Variants in NOTCH1 observed in about 807,000 individuals in gnomAD.
NOTCH1 encodes neurogenic locus notch homolog protein 1.
Under a neutral mutation model 254.8 loss-of-function variants are expected in NOTCH1, and 37 were observed. The observed-to-expected ratio is 0.15, with a 90% CI of 0.11 to 0.19. The LOEUF is 0.19. Among genes scored for constraint, NOTCH1 ranks in the 10% least tolerant of loss-of-function variants. The probability of loss-of-function intolerance (pLI) is 1.00; values close to 1 mark genes in which losing one functional copy is unlikely to be tolerated. For synonymous variants in NOTCH1, 1,731 were observed against 1,618.1 expected (o/e 1.07, Z -1.68); for missense variants, 2,972 against 3,708.6 (o/e 0.80, Z 5.16).
chr9:136,522,219 T>C (rs924436573), intron 4 of NOTCH1, among the ~76,000 whole-genome samples: 62 of 152,174 alleles, frequency 4.1e-4, no homozygotes, highest in Non-Finnish European at 5.7e-4. Context: ...CCTTGTGATC[T>C]GCCCACCTCG....
intron 2 of NOTCH1, among the ~76,000 whole-genome samples, chr9:136,528,246 G>T (rs1843499999): frequency 6.9e-6 from 1 of 145,462 alleles, no homozygotes. Context: ...GGGGTGTGGG[G>T]TCAGCTGGAC....
chr9:136,517,194 A>C, intron 9 of NOTCH1, 78 bp downstream of exon 9: 1 of 902,240 alleles, frequency 1.1e-6, no homozygotes, highest in Admixed American at 2.1e-5. Context: ...GGGGCAGGGG[A>C]CACAACCCAC....
chr9:136,504,978 G>A lies in NOTCH1; in HGVS notation c.4713C>T (p.Ala1571=), dbSNP rs377357743. 3.0e-5 allele frequency: 48 copies of A among 1,589,576 alleles called. No individual in the cohort carries two copies. The highest frequency in any genetic ancestry group is 1.7e-4 in the Middle Eastern group (1 of 6,034). Residue 1571 remains alanine (A), a synonymous_variant, in exon 26 of 34, where the codon GCC becomes GCT. Transcript: ENST00000651671. ...CAEHVPERLA[A]GTLVVVVLMP... ...TCAGCACCACCACCACCAGCGTGCC[G>A]GCCGCCAGCCTCTCGGGTACATGCT... is the stretch of plus-strand genomic sequence containing the variant.
chr9:136,507,860 G>A, intron 21 of NOTCH1, 95 bp downstream of exon 21: 1 of 1,297,712 alleles, frequency 7.7e-7, no homozygotes, highest in Non-Finnish European at 1.1e-6. Flanking sequence ...GGCCTATCAG[G>A]TTCAGTTTTC....
At chr9:136,541,689 C>T (rs1011418686) in intron 2 of NOTCH1, among the ~76,000 whole-genome samples, 2 of 152,186 alleles carry the variant, frequency 1.3e-5, no homozygotes, top group African/African-American at 4.8e-5. Flanking sequence ...GGCTCAAGCC[C>T]AGGGAGGGAG....
rs759021557 is a variant in NOTCH1 at position 136,497,039 on chromosome 9, G to C, written c.6700C>G (p.Leu2234Val). ...AGGTGGGTGTCGGGCATCCCAGGCA[G>C]GTGGTTGAGGGGCACGGACGGAGAC... ...QQSPSVPLNH[L>V]PGMPDTHLGI... The change falls in exon 34 of 34, where the codon CTG becomes GTG. Residue 2234 changes from leucine (L) to valine (V), a missense_variant. Physicochemically the swap from Leu to Val is conservative, Grantham distance 32. Around this residue, in one of 8 missense-constraint regions of NOTCH1, gnomAD observed 529 missense variants for 529.2 expected, o/e 1.00. Transcript: ENST00000651671. The C allele has an allele frequency of 1.4e-5, 23 of 1,609,490 alleles. No homozygotes were observed. In the East Asian group the frequency reaches 5.1e-4, roughly 36 times the overall value.
rs1413216670 is a variant in NOTCH1 at position 136,495,075 on chromosome 9, T to G, written c.*996A>C. On this transcript the variant is annotated 3_prime_UTR_variant, in exon 34 of 34. Transcript: ENST00000651671. ...GGGTCCCGCGAGCTGGGGCCCAGGC[T>G]GTGTTGCTGGAGCATCTTCTTCGGA... 2.0e-5 allele frequency: 8 copies of G among 399,072 alleles called. No individual in the cohort carries two copies. The highest frequency in any genetic ancestry group is 3.5e-5 in the Non-Finnish European group (8 of 226,110). The allele number at this position is 399,072 out of a possible 1,614,324, so 24.7% of individuals were successfully genotyped here. A position where few individuals can be genotyped will look rare whatever the true frequency, so the allele number is the denominator to read the frequency against.
chr9:136,534,461 G>A (rs1474551786), intron 2 of NOTCH1, among the ~76,000 whole-genome samples: 2 of 152,172 alleles, frequency 1.3e-5, no homozygotes, highest in African/African-American at 4.8e-5. Flanking sequence ...GCCAGGCGGA[G>A]CAGAAGGAAC....
At chr9:136,542,076 G>GT (rs890208526) in intron 2 of NOTCH1, among the ~76,000 whole-genome samples, 2 of 152,242 alleles carry the variant, frequency 1.3e-5, no homozygotes, top group African/African-American at 4.8e-5. Context: ...CATGACACCA[G>GT]TGTTTTGCGG....
chr9:136,533,317 AG>A (rs879803605), intron 2 of NOTCH1, among the ~76,000 whole-genome samples: 35,141 of 102,306 alleles, frequency 0.34, 7,646 homozygotes, highest in East Asian at 0.74. Context: ...CCTGAGCTCA[AG>A]CATCTCTTAC....
Position 136,496,365 on chromosome 9 carries a change from G to T in NOTCH1, c.7374C>A (p.Pro2458=). 2 of 1,594,216 alleles carry T rather than the reference G, an allele frequency of 1.3e-6. No homozygotes were observed. ...PSSLAVHTIL[P]QESPALPTSL... ...ACGTGGGCAGGGCGGGGCTCTCCTG[G>T]GGCAGAATAGTGTGCACCGCCAGGC... is the stretch of plus-strand genomic sequence containing the variant. The change falls in exon 34 of 34, where the codon CCC becomes CCA. Residue 2458 remains proline, a synonymous_variant. Transcript: ENST00000651671.
At chr9:136,543,949 T>G in intron 2 of NOTCH1, 75 bp downstream of exon 2, 1 of 1,351,626 alleles carries the variant, frequency 7.4e-7, no homozygotes, top group Non-Finnish European at 1.0e-6. Flanking sequence ...CCTAGTGTTC[T>G]GTCCCCTGCG....
intron 9 of NOTCH1, among the ~76,000 whole-genome samples, chr9:136,516,975 C>T (rs1843283347): frequency 6.6e-6 from 1 of 150,672 alleles, no homozygotes; most frequent in Admixed American, 6.6e-5. Flanking sequence ...CGGCCAGGCA[C>T]CCCTCAGGAG....
At position 136,494,732 on chromosome 9, in the gene NOTCH1, A is replaced by T; in HGVS notation, c.*1339T>A. The T allele has an allele frequency of 2.5e-6, 1 of 398,470 alleles. No individual in the cohort carries two copies. The highest frequency in any genetic ancestry group is 4.4e-6 in the Non-Finnish European group (1 of 225,938). 24.7% of individuals were successfully genotyped at this position (398,470 alleles called of 1,614,324 possible). The stretch of plus-strand genomic sequence containing the variant: ...CGGCTAAGGCTCCCCGAGCTGAGCC[A>T]AGTCTGACGTCCCTCACTGGCATGA... On this transcript the variant is annotated 3_prime_UTR_variant, in exon 34 of 34. Transcript: ENST00000651671.
chr9:136,507,922 G>C, intron 21 of NOTCH1, 33 bp downstream of exon 21: 4 of 1,607,902 alleles, frequency 2.5e-6, no homozygotes, highest in Non-Finnish European at 3.4e-6. Context: ...CACTCGTGCC[G>C]GCCACAACCC....
In NOTCH1 at chr9:136,497,374, G is replaced by C. The variant is rs767587816; in HGVS notation, c.6365C>G (p.Pro2122Arg). ...LLDEYNLVRSPQLHGAPLGGT... is the reference protein window; with the variant it reads ...LLDEYNLVRSRQLHGAPLGGT... ...CCCCAGCGGGGCTCCGTGCAGCTGCGGGCTGCGCACCAGGTTGTACTCGTC... is the reference window on the plus strand; with the variant it reads ...CCCCAGCGGGGCTCCGTGCAGCTGCCGGCTGCGCACCAGGTTGTACTCGTC... The change falls in exon 34 of 34, where the codon CCG becomes CGG. Residue 2122 changes from proline to arginine, a missense_variant. This residue lies in a region of NOTCH1 where 529 missense variants were observed against 529.2 expected (regional missense o/e 1.00). Transcript: ENST00000651671. 2.5e-6 allele frequency: 4 copies of C among 1,608,428 alleles called. No individual in the cohort carries two copies. The highest frequency in any genetic ancestry group is 2.5e-6 in the Non-Finnish European group (3 of 1,179,500).
At position 136,506,876 on chromosome 9, in the gene NOTCH1, C is replaced by G. The variant is rs781658171; in HGVS notation, c.3741G>C (p.Gln1247His). ...KCFNNGTCVD[Q>H]VGGYSCTCPP... ...GGCAGGTGCAGCTGTAGCCGCCCACCTGGTCCACGCAGGTGCCGTTGTTAA... is the reference window on the plus strand; with the variant it reads ...GGCAGGTGCAGCTGTAGCCGCCCACGTGGTCCACGCAGGTGCCGTTGTTAA... Residue 1247 changes from glutamine (Q) to histidine (H), a missense_variant, in exon 23 of 34, where the codon CAG becomes CAC. This residue lies in a region of NOTCH1 where 1,343 missense variants were observed against 1,557.0 expected (regional missense o/e 0.86). Coordinates refer to ENST00000651671, the MANE Select transcript of NOTCH1 (RefSeq NM_017617.5). The surrounding 1 kb of genome is among the most constrained non-coding windows in gnomAD (Gnocchi z 4.5). 3 of 1,611,478 alleles carry G rather than the reference C, an allele frequency of 1.9e-6. No individual in the cohort carries two copies. The African/African-American group carries it at 4.0e-5, about 22-fold the overall frequency.
intron 15 of NOTCH1, 95 bp from the exon 16 acceptor site, chr9:136,511,366 C>G (rs952489444): frequency 6.1e-6 from 9 of 1,467,084 alleles, no homozygotes; most frequent in South Asian, 1.2e-5. Flanking sequence ...ATCAGAGTGC[C>G]GTCTGCTGGT....
At chr9:136,504,243 C>G (rs1843042280) in intron 26 of NOTCH1, among the ~76,000 whole-genome samples, 1 of 152,238 alleles carries the variant, frequency 6.6e-6, no homozygotes, top group East Asian at 1.9e-4. Flanking sequence ...CCCTATGTTG[C>G]CCAGACTGGT....
Sources: allele counts gnomAD v4.1 joint callset (sites outside exome capture counted in the v4.1 genomes callset), GRCh38; gene constraint gnomAD v4.1.1; regional missense constraint gnomAD v4.1.1; non-coding constraint Gnocchi (gnomAD v3.1); transcripts MANE v1.5; gene names NCBI Gene and HGNC (gene_info 2026-07-23, HGNC 2026-07-21).